The following DGCR8 variants were observed in gnomAD, a reference collection of about 807,000 sequenced individuals.
The protein encoded by DGCR8 is DGCR8 microprocessor complex subunit.
Under a neutral mutation model 78.5 loss-of-function variants are expected in DGCR8, and 14 were observed. The ratio of observed to expected loss-of-function variants is 0.18; its 90% CI spans 0.12 to 0.28. DGCR8 has a LOEUF of 0.28. Among genes scored for constraint, DGCR8 ranks in the 10% least tolerant of loss-of-function variants. DGCR8 has a pLI of 1.00. For missense variants in DGCR8, 702 were observed against 1,022.5 expected, an observed-to-expected ratio of 0.69 and a Z score of 4.28; for synonymous variants, 399 against 402.4, an observed-to-expected ratio of 0.99 and a Z score of 0.10.
chr22:20,106,691 C>T lies in DGCR8; in HGVS notation c.1989C>T (p.Arg663=). Residue 663 remains arginine (R), a synonymous_variant, in exon 11 of 14, where the codon CGC becomes CGT. Coordinates refer to ENST00000351989, the MANE Select transcript of DGCR8 (RefSeq NM_022720.7). ...YVMACGKHTV[R]GWCKNKRVGK... Reference sequence around the variant, plus strand: ...TGGCGTGTGGCAAGCACACAGTGCGCGGGTGGTGTAAGGACTCCTTCTCTG... The same window carrying T: ...TGGCGTGTGGCAAGCACACAGTGCGTGGGTGGTGTAAGGACTCCTTCTCTG... 2.5e-6 allele frequency: 4 copies of T among 1,612,796 alleles called. No homozygotes were observed. The highest frequency in any genetic ancestry group is 1.7e-6 in the Non-Finnish European group (2 of 1,178,814).
chr22:20,087,465 G>A lies in DGCR8; in HGVS notation c.880+144G>A. ...TTGAGGACAGGACAGAAATATCTGA[G>A]GAGGGAAACACAGGATGGGAGGACG... On this transcript the variant is annotated intron_variant, in intron 3 of 13. Coordinates refer to ENST00000351989, the MANE Select transcript of DGCR8 (RefSeq NM_022720.7). The surrounding 1 kb of genome is among the most constrained non-coding windows in gnomAD (Gnocchi z 4.1). 1.0e-6 allele frequency: 1 copy of A among 970,758 alleles called. No individual in the cohort carries two copies. The highest frequency in any genetic ancestry group is 1.5e-6 in the Non-Finnish European group (1 of 673,278). 60.1% of individuals were successfully genotyped at this position (970,758 alleles called of 1,614,324 possible). A position where few individuals can be genotyped will look rare whatever the true frequency, so the allele number is the denominator to read the frequency against.
Position 20,107,263 on chromosome 22 carries a change from C to T in DGCR8, c.1997-8C>T. The T allele has an allele frequency of 6.2e-7, 1 of 1,614,158 alleles. No homozygotes were observed. The highest frequency in any genetic ancestry group is 8.5e-7 in the Non-Finnish European group (1 of 1,180,014). ...CCCCCTCTCCATGCTTGCTCTTTCT[C>T]TGTGTAGGTAAGAACAAGAGAGTTG... On this transcript the variant is annotated splice_polypyrimidine_tract_variant and splice_region_variant and intron_variant, in intron 11 of 13. Coordinates refer to ENST00000351989, the MANE Select transcript of DGCR8 (RefSeq NM_022720.7).
chr22:20,101,800 C>T (rs574277997), intron 9 of DGCR8: 36 of 985,394 alleles, frequency 3.7e-5, no homozygotes. Context: ...GAGGTGCCAA[C>T]ACCTGTCCTT....
intron 9 of DGCR8, chr22:20,101,531 T>C (rs2049701426): frequency 1.1e-6 from 1 of 952,054 alleles, no homozygotes; most frequent in Non-Finnish European, 1.3e-6. Flanking sequence ...CGAGCTGAGA[T>C]TGCGCCACTG....
Position 20,111,283 on chromosome 22 carries a change from T to C in DGCR8, c.*1175T>C, listed in dbSNP as rs1345083697. The C allele has an allele frequency of 7.5e-6, 3 of 398,446 alleles. No individual in the cohort carries two copies. Among genetic ancestry groups the C allele is most frequent in the Non-Finnish European group, 1.3e-5 (3 of 226,118 alleles). The allele number at this position is 398,446 out of a possible 1,614,324, so 24.7% of individuals were successfully genotyped here. On this transcript the variant is annotated 3_prime_UTR_variant, in exon 14 of 14. Transcript: ENST00000351989. ...ACCTGTGCAGAGTGCCGTGTGCTTG[T>C]GGTGCGCCATCTGAAGCAAGAGTCC... is the stretch of plus-strand genomic sequence containing the variant.
intron 9 of DGCR8, chr22:20,101,979 T>G: frequency 2.0e-6 from 2 of 985,438 alleles, no homozygotes; most frequent in Non-Finnish European, 2.4e-6. Flanking sequence ...TGGCATCATT[T>G]CCTTTTCACA....
chr22:20,091,321 CG>C lies in DGCR8; in HGVS notation c.1307-110del, dbSNP rs973585561. 1.7e-5 allele frequency: 17 copies of C among 1,022,932 alleles called. No homozygotes were observed. In the African/African-American group the frequency reaches 2.7e-4, roughly 16 times the overall value. The allele number at this position is 1,022,932 out of a possible 1,614,324, so 63.4% of individuals were successfully genotyped here. ...TTGCTTCCCTCCCCTTTGAAAGGGACGGGGAAAGGAAATAGTGTCATGTGGC... is the reference window on the plus strand; with the variant it reads ...TTGCTTCCCTCCCCTTTGAAAGGGACGGGAAAGGAAATAGTGTCATGTGGC... On this transcript the variant is annotated intron_variant, in intron 5 of 13. Transcript: ENST00000351989.
At position 20,110,807 on chromosome 22, in the gene DGCR8, A is replaced by C. The variant is rs2049832012; in HGVS notation, c.*699A>C. ...CCTCCTGGAGTTACCCTGGCCTCCT[A>C]GGGTCCCTTTTTCTGATGAAGTCTT... On this transcript the variant is annotated 3_prime_UTR_variant, in exon 14 of 14. Transcript: ENST00000351989. 1.2e-5 allele frequency: 2 copies of C among 172,950 alleles called. No homozygotes were observed. The highest frequency in any genetic ancestry group is 2.4e-5 in the Non-Finnish European group (2 of 82,168). 10.7% of individuals were successfully genotyped at this position (172,950 alleles called of 1,614,324 possible).
chr22:20,094,238 C>T (rs549414166), intron 8 of DGCR8, among the ~76,000 whole-genome samples: 97 of 152,326 alleles, frequency 6.4e-4, no homozygotes, highest in African/African-American at 2.3e-3. Context: ...CAACTCCGAC[C>T]CCAGTGGGCA....
chr22:20,102,864 G>A (rs2049719836), intron 9 of DGCR8, among the ~76,000 whole-genome samples: 1 of 152,186 alleles, frequency 6.6e-6, no homozygotes, highest in Admixed American at 6.5e-5. Flanking sequence ...TGGGTGCAGT[G>A]GCTCACGCCT....
At position 20,090,055 on chromosome 22, in the gene DGCR8, G is replaced by A; in HGVS notation, c.1103G>A (p.Ser368Asn). 6.2e-7 allele frequency: 1 copy of A among 1,614,232 alleles called. No homozygotes were observed. The highest frequency in any genetic ancestry group is 8.5e-7 in the Non-Finnish European group (1 of 1,180,044). ...MKDNEEREQS[S>N]DLTPSGDVSP... Reference sequence around the variant, plus strand: ...GACAACGAGGAACGGGAGCAAAGCAGTGACCTCACCCCTAGTGGGGATGTG... The same window carrying A: ...GACAACGAGGAACGGGAGCAAAGCAATGACCTCACCCCTAGTGGGGATGTG... The change falls in exon 5 of 14, where the codon AGT becomes AAT. Residue 368 changes from serine to asparagine, a missense_variant. Ser to Asn is a conservative substitution (Grantham distance 46). Transcript: ENST00000351989.
chr22:20,104,482 C>T (rs1222346685), intron 9 of DGCR8, among the ~76,000 whole-genome samples: 1 of 152,184 alleles, frequency 6.6e-6, no homozygotes, highest in Non-Finnish European at 1.5e-5. Flanking sequence ...CGGTCTTTTG[C>T]CAGAAACTTC....
intron 13 of DGCR8, among the ~76,000 whole-genome samples, chr22:20,109,693 G>A (rs1223857439): frequency 6.6e-6 from 1 of 152,214 alleles, no homozygotes; most frequent in Non-Finnish European, 1.5e-5. Context: ...CCTGGGGCAA[G>A]CAAAAGCTGG....
rs2049405650 is a variant in DGCR8, at chr22:20,080,551, CG to C, written c.-278+172del. 4 of 889,948 alleles carry C rather than the reference CG, an allele frequency of 4.5e-6. No individual in the cohort carries two copies. In the South Asian group the frequency reaches 1.5e-4, roughly 34 times the overall value. The allele number at this position is 889,948 out of a possible 1,614,324, so 55.1% of individuals were successfully genotyped here. A position where few individuals can be genotyped will look rare whatever the true frequency, so the allele number is the denominator to read the frequency against. ...ACATGGCCGCGGGCGGTGGAGAGCG[CG>C]GGGTGGGGACGCCTCCGGGGCTGGG... On this transcript the variant is annotated intron_variant, in intron 1 of 13. Coordinates refer to ENST00000351989, the MANE Select transcript of DGCR8 (RefSeq NM_022720.7).
rs2049768103 is a variant in DGCR8, at chr22:20,106,205, C to T, written c.1817C>T (p.Ser606Leu). 1.2e-6 allele frequency: 2 copies of T among 1,614,016 alleles called. No individual in the cohort carries two copies. Among genetic ancestry groups the T allele is most frequent in the Non-Finnish European group, 1.7e-6 (2 of 1,180,036 alleles). The part of the protein sequence containing the change: ...EYFNHISIED[S>L]RVYELTSKAG... ...TTTAACCACATCAGCATCGAGGACT[C>T]GCGGGTCTACGAGCTGACCAGCAAG... Residue 606 changes from serine to leucine, a missense_variant, in exon 10 of 14, where the codon TCG becomes TTG. Physicochemically the swap from Ser to Leu is moderately radical, Grantham distance 145. Around this residue, in one of 4 missense-constraint regions of DGCR8, gnomAD observed 225 missense variants for 427.7 expected, o/e 0.53. Coordinates refer to ENST00000351989, the MANE Select transcript of DGCR8 (RefSeq NM_022720.7).
At chr22:20,109,551 AGG>A (rs2049810351) in intron 13 of DGCR8, among the ~76,000 whole-genome samples, 2 of 152,152 alleles carry the variant, frequency 1.3e-5, no homozygotes, top group Admixed American at 1.3e-4. Flanking sequence ...CCAGGCCAGC[AGG>A]TCCCTTGCTG....
Position 20,087,461 on chromosome 22 carries a change from C to A in DGCR8, c.880+140C>A. On this transcript the variant is annotated intron_variant, in intron 3 of 13. Coordinates refer to ENST00000351989, the MANE Select transcript of DGCR8 (RefSeq NM_022720.7). The surrounding 1 kb of genome is among the most constrained non-coding windows in gnomAD (Gnocchi z 4.1). ...ATGTTTGAGGACAGGACAGAAATAT[C>A]TGAGGAGGGAAACACAGGATGGGAG... 2.0e-6 allele frequency: 2 copies of A among 986,866 alleles called. No individual in the cohort carries two copies. The highest frequency in any genetic ancestry group is 2.9e-6 in the Non-Finnish European group (2 of 687,372). 61.1% of individuals were successfully genotyped at this position (986,866 alleles called of 1,614,324 possible).
rs2049482792 is a variant in DGCR8 at position 20,086,366 on chromosome 22, G to T, written c.403G>T (p.Val135Leu). Reference protein sequence around the residue: ...TESCRSKDRKVLYTGAERDVR... With the variant: ...TESCRSKDRKLLYTGAERDVR... ...GAGCTGCAGGAGTAAGGACAGGAAGGTGCTGTACACAGGAGCAGAGCGCGA... is the reference window on the plus strand; with the variant it reads ...GAGCTGCAGGAGTAAGGACAGGAAGTTGCTGTACACAGGAGCAGAGCGCGA... The change falls in exon 2 of 14, where the codon GTG becomes TTG. Residue 135 changes from valine to leucine, a missense_variant. Val to Leu is a conservative substitution (Grantham distance 32). Around this residue, in one of 4 missense-constraint regions of DGCR8, gnomAD observed 356 missense variants for 448.9 expected, o/e 0.79. Transcript: ENST00000351989. The surrounding 1 kb of genome is among the most constrained non-coding windows in gnomAD (Gnocchi z 6.4). 6.2e-7 allele frequency: 1 copy of T among 1,613,984 alleles called. No homozygotes were observed. The highest frequency in any genetic ancestry group is 1.3e-5 in the African/African-American group (1 of 74,914).
Position 20,108,917 on chromosome 22 carries a change from C to T in DGCR8, c.2152C>T (p.Leu718=), listed in dbSNP as rs1431373247. ...QETSDKSVIE[L]QQYAKKNKPN... ...GACATCGGACAAGAGTGTGATTGAG[C>T]TGCAGCAGTATGCCAAGAAGAACAA... Residue 718 remains leucine, a synonymous_variant, in exon 13 of 14, where the codon CTG becomes TTG. Coordinates refer to ENST00000351989, the MANE Select transcript of DGCR8 (RefSeq NM_022720.7). 1.2e-6 allele frequency: 2 copies of T among 1,604,350 alleles called. No homozygotes were observed. The highest frequency in any genetic ancestry group is 1.7e-6 in the Non-Finnish European group (2 of 1,171,726).
Sources: allele counts gnomAD v4.1 joint callset (sites outside exome capture counted in the v4.1 genomes callset), GRCh38; gene constraint gnomAD v4.1.1; regional missense constraint gnomAD v4.1.1; non-coding constraint Gnocchi (gnomAD v3.1); transcripts MANE v1.5; gene names NCBI Gene and HGNC (gene_info 2026-07-23, HGNC 2026-07-21).